PARVA: variants seen among roughly 807,000 people sequenced by gnomAD.
PARVA encodes alpha-parvin.
In PARVA, 25 loss-of-function variants were observed where a neutral mutation model predicts 52.6. The ratio of observed to expected loss-of-function variants is 0.48; its 90% confidence interval spans 0.35 to 0.66. The LOEUF (loss-of-function observed/expected upper bound fraction) is 0.66. Among genes scored for constraint, PARVA ranks in the 30% least tolerant of loss-of-function variants. PARVA has a pLI of 0.01. For missense variants in PARVA, 373 were observed against 450.9 expected (o/e 0.83, Z 1.56); for synonymous variants, 185 against 179.1 (o/e 1.03, Z -0.26).
At chr11:12,471,832 T>G (rs1250386052) in intron 1 of PARVA, among the ~76,000 whole-genome samples, 1 of 152,222 alleles carries the variant, frequency 6.6e-6, no homozygotes. Flanking sequence ...TGCCGATCAG[T>G]GTAGCTACAG....
rs369975832 is a variant in PARVA, at chr11:12,377,801, G to T, written c.136+18G>T. The T allele has an allele frequency of 4.5e-4, 666 of 1,474,264 alleles. 4 individuals carry two copies. In the African/African-American group the frequency reaches 8.6e-3, roughly 19 times the overall value. The allele number at this position is 1,474,264 out of a possible 1,614,324, so 91.3% of individuals were successfully genotyped here. ...CAAGGAGGGTGAGTGCGGCCAGGCC[G>T]GCCGGGCGGGCGGTAGGAGCCGGGG... On this transcript the variant is annotated intron_variant, in intron 1 of 12. Coordinates refer to ENST00000334956, the MANE Select transcript of PARVA (RefSeq NM_018222.5).
At chr11:12,435,334 CAGCCA>C (rs1242352417) in intron 1 of PARVA, among the ~76,000 whole-genome samples, 1 of 152,178 alleles carries the variant, frequency 6.6e-6, no homozygotes, top group Non-Finnish European at 1.5e-5. Flanking sequence ...CCTGTCACTC[CAGCCA>C]AGATCCTGAT....
rs188370685 is a variant in PARVA at position 12,468,207 on chromosome 11, C to T, written c.137-5538C>T. On this transcript the variant is annotated intron_variant, in intron 1 of 12. Coordinates refer to ENST00000334956, the MANE Select transcript of PARVA (RefSeq NM_018222.5). ...TGTAGCACCGTGTGCATTGCATCTG[C>T]GGGCCTACCTTTCCCACCACCTTGA... is the stretch of plus-strand genomic sequence containing the variant. Among the ~76,000 whole-genome samples, 8 of 152,292 alleles carry T rather than the reference C, an allele frequency of 5.3e-5. No individual in the cohort carries two copies. In the East Asian group the frequency reaches 7.7e-4, roughly 15 times the overall value.
chr11:12,455,754 T>C (rs575971404), intron 1 of PARVA, among the ~76,000 whole-genome samples: 2 of 152,288 alleles, frequency 1.3e-5, no homozygotes, highest in East Asian at 3.9e-4. Context: ...GAGCACCATT[T>C]TTTTTCTGCT....
At chr11:12,508,744 C>A in intron 7 of PARVA, 102 bp downstream of exon 7, 1 of 935,820 alleles carries the variant, frequency 1.1e-6, no homozygotes, top group Non-Finnish European at 1.7e-6. Context: ...ATTGGGATTG[C>A]AGGAGGGATT....
At chr11:12,401,673 G>A (rs1245385528) in intron 1 of PARVA, among the ~76,000 whole-genome samples, 3 of 152,138 alleles carry the variant, frequency 2.0e-5, no homozygotes, top group East Asian at 1.9e-4. Context: ...ATGCATTCAC[G>A]TCCCCCAACT....
chr11:12,514,118 T>A (rs1278526562), intron 10 of PARVA, 53 bp downstream of exon 10: 2 of 1,427,174 alleles, frequency 1.4e-6, no homozygotes, highest in African/African-American at 1.4e-5. Flanking sequence ...CTACAGCCCC[T>A]GTTCCAAGTG....
rs532391075 is a variant in PARVA at position 12,531,749 on chromosome 11, C to T, written c.*3824C>T. On this transcript the variant is annotated 3_prime_UTR_variant, in exon 13 of 13. Transcript: ENST00000334956. ...ATTCCAAGATTGCGTGTCATTTCCCCCAAAAATTTGCTTAACTCTATTGGA... is the reference window on the plus strand; with the variant it reads ...ATTCCAAGATTGCGTGTCATTTCCCTCAAAAATTTGCTTAACTCTATTGGA... Among the ~76,000 whole-genome samples the T allele has an allele frequency of 1.5e-4, 22 of 151,704 alleles. No individual in the cohort carries two copies. Among genetic ancestry groups the T allele is most frequent in the African/African-American group, 4.8e-4 (20 of 41,304 alleles).
chr11:12,455,675 C>A (rs887691234), intron 1 of PARVA, among the ~76,000 whole-genome samples: 1 of 152,144 alleles, frequency 6.6e-6, no homozygotes, highest in Admixed American at 6.5e-5. Context: ...CCAAGGAGCT[C>A]TGATTGCTTT....
At chr11:12,404,978 G>A (rs1939880513) in intron 1 of PARVA, among the ~76,000 whole-genome samples, 1 of 152,194 alleles carries the variant, frequency 6.6e-6, no homozygotes, top group African/African-American at 2.4e-5. Context: ...AGTTTACAAA[G>A]GTGGGAATCT....
chr11:12,421,813 C>G (rs773974597), intron 1 of PARVA, among the ~76,000 whole-genome samples: 5 of 152,220 alleles, frequency 3.3e-5, no homozygotes, highest in Admixed American at 3.3e-4. Context: ...AGGATGCATT[C>G]AACAAATATT....
intron 1 of PARVA, among the ~76,000 whole-genome samples, chr11:12,437,393 T>G (rs944614359): frequency 6.6e-6 from 1 of 152,332 alleles, no homozygotes; most frequent in East Asian, 1.9e-4. Flanking sequence ...CTAAGCCTCC[T>G]ATCACAAGTT....
intron 1 of PARVA, among the ~76,000 whole-genome samples, chr11:12,412,923 A>G (rs1447271408): frequency 6.6e-6 from 1 of 152,226 alleles, no homozygotes. Flanking sequence ...TTTGAATTCT[A>G]TAAGAAGAGG....
At chr11:12,464,476 C>T (rs1940828032) in intron 1 of PARVA, among the ~76,000 whole-genome samples, 1 of 152,190 alleles carries the variant, frequency 6.6e-6, no homozygotes, top group Non-Finnish European at 1.5e-5. Flanking sequence ...TGGGAAACAA[C>T]TTTATCAACT....
intron 1 of PARVA, among the ~76,000 whole-genome samples, chr11:12,464,512 CT>C (rs1182754085): frequency 6.6e-6 from 1 of 152,188 alleles, no homozygotes; most frequent in East Asian, 1.9e-4. Flanking sequence ...AATGCAGTTC[CT>C]TTTGCCTTTG....
chr11:12,430,475 G>A (rs960964097), intron 1 of PARVA, among the ~76,000 whole-genome samples: 8 of 151,954 alleles, frequency 5.3e-5, no homozygotes, highest in African/African-American at 1.7e-4. Flanking sequence ...AGTACCTTTC[G>A]TCACCTTGCC....
At chr11:12,447,356 C>T (rs957730998) in intron 1 of PARVA, among the ~76,000 whole-genome samples, 6 of 152,176 alleles carry the variant, frequency 3.9e-5, no homozygotes, top group African/African-American at 1.2e-4. Flanking sequence ...CTTTCATAAA[C>T]AGCACCCCAT....
chr11:12,419,015 C>T (rs900810459), intron 1 of PARVA, among the ~76,000 whole-genome samples: 2 of 151,978 alleles, frequency 1.3e-5, no homozygotes, highest in Non-Finnish European at 2.9e-5. Flanking sequence ...AATAACTTGC[C>T]GAAGTTATTA....
chr11:12,379,649 A>G (rs1360941279), intron 1 of PARVA, among the ~76,000 whole-genome samples: 2 of 152,206 alleles, frequency 1.3e-5, no homozygotes, highest in East Asian at 1.9e-4. Context: ...TGAAATTTTC[A>G]TGTTTGTAAG....
Sources: allele counts gnomAD v4.1 joint callset (sites outside exome capture counted in the v4.1 genomes callset), GRCh38; gene constraint gnomAD v4.1.1; transcripts MANE v1.5; gene names NCBI Gene and HGNC (gene_info 2026-07-23, HGNC 2026-07-21).